Variants in COBLL1 observed in about 807,000 individuals in gnomAD.
COBLL1 encodes the protein cordon-bleu WH2 repeat protein like 1.
In COBLL1, 50 loss-of-function variants were observed where a neutral mutation model predicts 94.8. That is an observed-to-expected ratio of 0.53 (90% CI 0.42 to 0.67). COBLL1 has a LOEUF of 0.67. Ranked by LOEUF, COBLL1 falls within the 30% of genes least tolerant of loss-of-function variation. The pLI, the probability that COBLL1 is intolerant of heterozygous loss-of-function variation, is 0.00. For missense variants in COBLL1, 1,362 were observed against 1,348.7 expected, an observed-to-expected ratio of 1.01 and a Z score of -0.15; for synonymous variants, 448 against 473.8, an observed-to-expected ratio of 0.95 and a Z score of 0.71.
At chr2:164,818,560 C>A (rs115636229) in intron 2 of COBLL1, among the ~76,000 whole-genome samples, 2,092 of 145,388 alleles carry the variant, frequency 0.014, 46 homozygotes, top group African/African-American at 0.05. Flanking sequence ...TACATATGTA[C>A]ACATATATAG....
intron 9 of COBLL1, chr2:164,703,050 A>T: frequency 7.2e-6 from 7 of 976,370 alleles, no homozygotes; most frequent in Non-Finnish European, 9.7e-6. Flanking sequence ...ACAGTCGATG[A>T]TATCTTAACC....
intron 2 of COBLL1, among the ~76,000 whole-genome samples, chr2:164,665,289 C>G (rs1314019167): frequency 6.9e-6 from 1 of 145,500 alleles, no homozygotes; most frequent in Non-Finnish European, 1.5e-5. Context: ...GAAATCGCAC[C>G]ACTGCACTCC....
chr2:164,732,410 T>C (rs1686067552), intron 3 of COBLL1, among the ~76,000 whole-genome samples: 1 of 152,184 alleles, frequency 6.6e-6, no homozygotes, highest in South Asian at 2.1e-4. Flanking sequence ...AGTTGATTTT[T>C]TGGTAATATG....
chr2:164,691,383 A>G (rs1683581164), intron 13 of COBLL1, among the ~76,000 whole-genome samples: 2 of 152,234 alleles, frequency 1.3e-5, no homozygotes, highest in African/African-American at 4.8e-5. Context: ...TAAAATGATC[A>G]CAGAAGGAAT....
At chr2:164,807,844 CAG>C (rs1305558571) in intron 2 of COBLL1, among the ~76,000 whole-genome samples, 2 of 151,872 alleles carry the variant, frequency 1.3e-5, no homozygotes, top group African/African-American at 2.4e-5. Context: ...CATTTTGTGA[CAG>C]AGTCTCGTTG....
intron 13 of COBLL1, among the ~76,000 whole-genome samples, chr2:164,690,314 C>T (rs899537593): frequency 6.6e-6 from 1 of 151,952 alleles, no homozygotes; most frequent in African/African-American, 2.4e-5. Flanking sequence ...TAGAATCTGG[C>T]ACTATGCTCA....
chr2:164,742,702 A>C (rs1182171382), intron 3 of COBLL1, among the ~76,000 whole-genome samples: 1 of 152,196 alleles, frequency 6.6e-6, no homozygotes, highest in Non-Finnish European at 1.5e-5. Flanking sequence ...TTTTGTTTTC[A>C]TCTACTTTAA....
chr2:164,837,021 A>G (rs1683346379), intron 2 of COBLL1, among the ~76,000 whole-genome samples: 1 of 152,226 alleles, frequency 6.6e-6, no homozygotes, highest in South Asian at 2.1e-4. Context: ...GTGAAACTTT[A>G]GAACCAATAA....
In COBLL1 at chr2:164,683,677, C is replaced by T. The variant is rs1204228698; in HGVS notation, c.*2269G>A. ...GCAAATTTTTTTCCTACATATACAG[C>T]CATAATTTATAGTATCATTTTTTAT... On this transcript the variant is annotated 3_prime_UTR_variant, in exon 14 of 14. Transcript: ENST00000652658. The T allele has an allele frequency of 6.6e-6, 1 of 151,974 alleles. No homozygotes were observed. Among genetic ancestry groups the T allele is most frequent in the Non-Finnish European group, 1.5e-5 (1 of 67,984 alleles). The allele number at this position is 151,974 out of a possible 1,614,324, so 9.4% of individuals were successfully genotyped here. A position where few individuals can be genotyped will look rare whatever the true frequency, so the allele number is the denominator to read the frequency against.
In COBLL1 at chr2:164,685,825, T is replaced by C. The variant is rs1431006328; in HGVS notation, c.*121A>G. 4.7e-6 allele frequency: 2 copies of C among 425,042 alleles called. No individual in the cohort carries two copies. The highest frequency in any genetic ancestry group is 8.5e-6 in the Non-Finnish European group (2 of 235,446). 26.3% of individuals were successfully genotyped at this position (425,042 alleles called of 1,614,324 possible). On this transcript the variant is annotated 3_prime_UTR_variant, in exon 14 of 14. Transcript: ENST00000652658. ...CTGGCATTAAAAGCCACAACACAAA[T>C]TCTAATATTTTAATAGATAATATAT...
rs1289201302 is a variant in COBLL1 at position 164,841,488 on chromosome 2, GGGGTTTACT to G, written c.-51+213_-51+221del. On this transcript the variant is annotated intron_variant, in intron 1 of 13. Transcript: ENST00000652658. The surrounding 1 kb of genome is among the most constrained non-coding windows in gnomAD (Gnocchi z 5.5). The stretch of plus-strand genomic sequence containing the variant: ...GGTGGCGCTGCAGCCCCCGCCCCGT[GGGGTTTACT>G]GGGTAGCCATTTGGCGCCTCTCGGA... 6.3e-6 allele frequency: 7 copies of G among 1,119,414 alleles called. No individual in the cohort carries two copies. The highest frequency in any genetic ancestry group is 7.7e-6 in the Non-Finnish European group (7 of 912,748). The allele number at this position is 1,119,414 out of a possible 1,614,324, so 69.3% of individuals were successfully genotyped here.
At chr2:164,803,868 G>A (rs1451192330) in intron 2 of COBLL1, among the ~76,000 whole-genome samples, 2 of 152,020 alleles carry the variant, frequency 1.3e-5, no homozygotes, top group Non-Finnish European at 2.9e-5. Context: ...TAGGCAGGTA[G>A]CTACTTAAGG....
In COBLL1 at chr2:164,728,055, T is replaced by C; in HGVS notation, c.575A>G (p.Asp192Gly). 6.2e-7 allele frequency: 1 copy of C among 1,613,838 alleles called. No individual in the cohort carries two copies. Residue 192 changes from aspartate (D) to glycine (G), a missense_variant, in exon 5 of 14, where the codon GAT becomes GGT. Physicochemically the swap from Asp to Gly is moderately conservative, Grantham distance 94. Transcript: ENST00000652658. ...GTCAAGAGGCTCCTGCGATTGATAA[T>C]CTTTCAACAATAGTGTATGCAACGG... is the stretch of plus-strand genomic sequence containing the variant. ...FDPLHTLLLK[D>G]YQSQEPLDLT...
chr2:164,670,724 TC>T (rs1691229558), intron 1 of COBLL1, among the ~76,000 whole-genome samples: 1 of 152,150 alleles, frequency 6.6e-6, no homozygotes, highest in African/African-American at 2.4e-5. Flanking sequence ...GTGGGAAATT[TC>T]CCCCCACGAG....
chr2:164,736,400 T>C (rs1359460707), intron 3 of COBLL1, among the ~76,000 whole-genome samples: 1 of 152,140 alleles, frequency 6.6e-6, no homozygotes, highest in Non-Finnish European at 1.5e-5. Flanking sequence ...CTATAAGAAA[T>C]ATTTTGAAGA....
chr2:164,795,035 A>C (rs1420751953), intron 2 of COBLL1, among the ~76,000 whole-genome samples: 2 of 152,206 alleles, frequency 1.3e-5, no homozygotes, highest in Admixed American at 1.3e-4. Flanking sequence ...TTCTTCACTA[A>C]GCCCACTTCC....
At position 164,779,565 on chromosome 2, in the gene COBLL1, C is replaced by G. The variant is rs577584076; in HGVS notation, c.42-35690G>C. On this transcript the variant is annotated intron_variant, in intron 2 of 13. Coordinates refer to ENST00000652658, the MANE Select transcript of COBLL1 (RefSeq NM_001365672.2). Reference sequence around the variant, plus strand: ...CTTAATGACCTGTCCTGCCCTGCCCCACCCATGCCATTTCCCAGAACACAG... The same window carrying G: ...CTTAATGACCTGTCCTGCCCTGCCCGACCCATGCCATTTCCCAGAACACAG... 475 of 434,252 alleles carry G rather than the reference C, an allele frequency of 1.1e-3. 1 individual carries two copies. Among genetic ancestry groups the G allele is most frequent in the Non-Finnish European group, 2.0e-3 (413 of 209,750 alleles). 26.9% of individuals were successfully genotyped at this position (434,252 alleles called of 1,614,324 possible). A position where few individuals can be genotyped will look rare whatever the true frequency, so the allele number is the denominator to read the frequency against.
At chr2:164,668,256 G>A (rs868437586) in intron 1 of COBLL1, among the ~76,000 whole-genome samples, 4 of 151,468 alleles carry the variant, frequency 2.6e-5, no homozygotes, top group Admixed American at 6.6e-5. Context: ...GAGCCACCAC[G>A]CCCAGCCTGT....
chr2:164,826,981 C>T (rs1230096521), intron 2 of COBLL1, among the ~76,000 whole-genome samples: 2 of 151,354 alleles, frequency 1.3e-5, no homozygotes, highest in African/African-American at 2.4e-5. Context: ...GACAGGGTCT[C>T]GCTCTATCAC....
Sources: allele counts gnomAD v4.1 joint callset (sites outside exome capture counted in the v4.1 genomes callset), GRCh38; gene constraint gnomAD v4.1.1; non-coding constraint Gnocchi (gnomAD v3.1); transcripts MANE v1.5; gene names NCBI Gene and HGNC (gene_info 2026-07-23, HGNC 2026-07-21).